Variants in CMSS1 observed in about 807,000 individuals in gnomAD.
CMSS1 encodes the protein cms1 ribosomal small subunit homolog, also known as protein CMSS1.
In CMSS1, 33 loss-of-function variants were observed where a neutral mutation model predicts 43.5. The ratio of observed to expected loss-of-function variants is 0.76; its 90% CI spans 0.57 to 1.01. CMSS1 has a LOEUF of 1.01. Ranked by LOEUF, CMSS1 falls within the 50% of genes least tolerant of loss-of-function variation. CMSS1 has a pLI of 0.00. For synonymous variants in CMSS1, 115 were observed against 117.2 expected (o/e 0.98, Z 0.12); for missense variants, 313 against 326.4 (o/e 0.96, Z 0.32).
At chr3:99,828,690 A>T (rs1053026390) in intron 1 of CMSS1, among the ~76,000 whole-genome samples, 1 of 150,346 alleles carries the variant, frequency 6.7e-6, no homozygotes, top group Admixed American at 6.6e-5. Flanking sequence ...TCCTGGCCTC[A>T]AGAAATCCTC....
intron 1 of CMSS1, among the ~76,000 whole-genome samples, chr3:100,037,938 T>C (rs2065135014): frequency 1.4e-5 from 2 of 145,894 alleles, no homozygotes; most frequent in South Asian, 4.5e-4. Context: ...TAATCGCTTT[T>C]CTTTTTTTTT....
At chr3:100,122,551 G>A (rs578115952) in intron 1 of CMSS1, among the ~76,000 whole-genome samples, 16 of 152,322 alleles carry the variant, frequency 1.1e-4, no homozygotes, top group Non-Finnish European at 2.2e-4. Flanking sequence ...CATTCTTAGT[G>A]TTCTGGTGCT....
intron 1 of CMSS1, among the ~76,000 whole-genome samples, chr3:99,934,846 TA>T (rs1707609343): frequency 6.6e-6 from 1 of 152,232 alleles, no homozygotes; most frequent in South Asian, 2.1e-4. Context: ...CTGTGTTTGT[TA>T]TTCTTCTAAA....
At position 100,133,936 on chromosome 3, in the gene CMSS1, T is replaced by C. The variant is rs570462579; in HGVS notation, c.65-13037T>C. On this transcript the variant is annotated intron_variant, in intron 1 of 9. Coordinates refer to ENST00000421999, the MANE Select transcript of CMSS1 (RefSeq NM_032359.4). ...TGAGCATTATACCTACCTTGAATAA[T>C]TTACATTAACGGGATACATTATGTA... Among the ~76,000 whole-genome samples, 114 of 152,320 alleles carry C rather than the reference T, an allele frequency of 7.5e-4. 1 individual carries two copies. The highest frequency in any genetic ancestry group is 1.2e-3 in the East Asian group (6 of 5,190).
At chr3:99,854,746 G>GTGTA (rs1227580989) in intron 1 of CMSS1, among the ~76,000 whole-genome samples, 1 of 152,166 alleles carries the variant, frequency 6.6e-6, no homozygotes, top group African/African-American at 2.4e-5. Context: ...TGTGGCATGT[G>GTGTA]TGTATGTCAG....
chr3:99,930,673 G>A, intron 1 of CMSS1: 1 of 1,333,576 alleles, frequency 7.5e-7, no homozygotes, highest in South Asian at 1.3e-5. Context: ...ACACATGTAT[G>A]AACCACAGAT....
chr3:99,877,723 C>T (rs1400374907), intron 1 of CMSS1, among the ~76,000 whole-genome samples: 1 of 152,136 alleles, frequency 6.6e-6, no homozygotes, highest in African/African-American at 2.4e-5. Context: ...CTGTGCTTAC[C>T]TCATACTTAT....
intron 1 of CMSS1, among the ~76,000 whole-genome samples, chr3:99,954,701 C>G (rs1346313817): frequency 1.3e-5 from 2 of 152,060 alleles, no homozygotes; most frequent in Non-Finnish European, 2.9e-5. Flanking sequence ...TGGTGCCCAC[C>G]TGTAATCCCA....
chr3:99,833,859 C>T (rs745718220), intron 1 of CMSS1, among the ~76,000 whole-genome samples: 4 of 152,200 alleles, frequency 2.6e-5, no homozygotes, highest in Admixed American at 6.5e-5. Flanking sequence ...AATGCTTGGC[C>T]AAGGCCATGT....
At chr3:99,987,964 T>A (rs1705014942) in intron 1 of CMSS1, among the ~76,000 whole-genome samples, 1 of 152,208 alleles carries the variant, frequency 6.6e-6, no homozygotes. Flanking sequence ...TTCCAGGCCA[T>A]CATTCTGTTT....
intron 4 of CMSS1, among the ~76,000 whole-genome samples, chr3:100,165,259 G>A (rs555744859): frequency 6.6e-6 from 1 of 152,200 alleles, no homozygotes; most frequent in East Asian, 1.9e-4. Flanking sequence ...CACTTAATGA[G>A]TTATATGTGC....
chr3:100,139,002 C>T (rs180940349), intron 1 of CMSS1, among the ~76,000 whole-genome samples: 2 of 152,278 alleles, frequency 1.3e-5, no homozygotes, highest in South Asian at 2.1e-4. Flanking sequence ...CCATGGAATA[C>T]TACGCAACCA....
At chr3:99,913,734 C>T (rs759785364) in intron 1 of CMSS1, among the ~76,000 whole-genome samples, 1 of 152,130 alleles carries the variant, frequency 6.6e-6, no homozygotes, top group East Asian at 1.9e-4. Flanking sequence ...GGGCTATGTG[C>T]GTGACCCTGA....
At chr3:100,171,470 C>T (rs763568523) in intron 6 of CMSS1, among the ~76,000 whole-genome samples, 6 of 151,920 alleles carry the variant, frequency 3.9e-5, no homozygotes, top group Non-Finnish European at 7.4e-5. Flanking sequence ...CTTTTGCAAC[C>T]AAATTTTGTA....
Position 99,860,243 on chromosome 3 carries a change from A to G in CMSS1, c.64+42200A>G, listed in dbSNP as rs1944176315. ...GGCTTTAGCTTGGTGTCAGAGGAAT[A>G]TATGGTAAAAATGGTATACTGTTAG... On this transcript the variant is annotated intron_variant, in intron 1 of 9. Coordinates refer to ENST00000421999, the MANE Select transcript of CMSS1 (RefSeq NM_032359.4). Among the ~76,000 whole-genome samples the G allele has an allele frequency of 2.6e-5, 4 of 152,188 alleles. No individual in the cohort carries two copies. The South Asian group carries it at 8.3e-4, about 31-fold the overall frequency.
chr3:100,142,811 T>C (rs964334417), intron 1 of CMSS1, among the ~76,000 whole-genome samples: 5 of 152,218 alleles, frequency 3.3e-5, no homozygotes, highest in Non-Finnish European at 7.3e-5. Context: ...TATATGTTAC[T>C]TTATAATAAA....
intron 1 of CMSS1, chr3:99,931,002 C>T (rs753432256): frequency 6.2e-7 from 1 of 1,613,718 alleles, no homozygotes; most frequent in East Asian, 2.2e-5. Context: ...CCCTCGGTAT[C>T]ACTGCCTCTG....
At chr3:100,026,654 C>G (rs1248071601) in intron 1 of CMSS1, among the ~76,000 whole-genome samples, 1 of 152,184 alleles carries the variant, frequency 6.6e-6, no homozygotes, top group Non-Finnish European at 1.5e-5. Context: ...AAACCCACAT[C>G]TAATTCATCA....
intron 1 of CMSS1, among the ~76,000 whole-genome samples, chr3:100,140,956 C>G (rs747560293): frequency 2.0e-5 from 3 of 152,164 alleles, no homozygotes; most frequent in Non-Finnish European, 4.4e-5. Flanking sequence ...CAGTCATATA[C>G]AGTGCACCAT....
Sources: allele counts gnomAD v4.1 joint callset (sites outside exome capture counted in the v4.1 genomes callset), GRCh38; gene constraint gnomAD v4.1.1; transcripts MANE v1.5; gene names NCBI Gene and HGNC (gene_info 2026-07-23, HGNC 2026-07-21).